The following RBM39 variants were observed in gnomAD, a reference collection of about 807,000 sequenced individuals.
RBM39 encodes the protein RNA-binding protein 39.
A neutral mutation model predicts 79.6 loss-of-function variants in RBM39; 12 were observed. The observed-to-expected ratio is 0.15, with a 90% CI of 0.10 to 0.24. RBM39 has a LOEUF of 0.24. Ranked by LOEUF, RBM39 falls within the 10% of genes least tolerant of loss-of-function variation. The probability of loss-of-function intolerance (pLI) is 1.00; values close to 1 mark genes in which losing one functional copy is unlikely to be tolerated. For missense variants in RBM39, 243 were observed against 653.4 expected (o/e 0.37, Z 6.85); for synonymous variants, 185 against 208.4 (o/e 0.89, Z 0.97).
In RBM39 at chr20:35,725,174, A is replaced by G. The variant is rs747207187; in HGVS notation, c.417-19T>C. On this transcript the variant is annotated intron_variant, in intron 6 of 16. Transcript: ENST00000253363. ...AGGTTCTCTAATAGGAGTAAAACAT[A>G]TAAAATTAATTTCATAACAGATTTT... 4 of 1,355,772 alleles carry G rather than the reference A, an allele frequency of 3.0e-6. No homozygotes were observed. In the African/African-American group the frequency reaches 4.4e-5, roughly 15 times the overall value. 84.0% of individuals were successfully genotyped at this position (1,355,772 alleles called of 1,614,324 possible). A position where few individuals can be genotyped will look rare whatever the true frequency, so the allele number is the denominator to read the frequency against.
Position 35,714,320 on chromosome 20 carries a change from T to C in RBM39, c.961A>G (p.Met321Val). The change falls in exon 11 of 17, where the codon ATG (methionine) becomes GTG (valine). Residue 321 changes from methionine (M) to valine (V), a missense_variant. Physicochemically the swap from Met to Val is conservative, Grantham distance 21. This residue lies in a region of RBM39 where 61 missense variants were observed against 322.9 expected (regional missense o/e 0.19). Coordinates refer to ENST00000253363, the MANE Select transcript of RBM39 (RefSeq NM_184234.3). ...LNGFELAGRP[M>V]KVGHVTERTD... is the part of the protein sequence containing the mutation. ...CGTTCAGTAACATGACCAACTTTCA[T>C]TGGTCTTCCTGCTAGTTCAAATCCA... The C allele has an allele frequency of 6.2e-7, 1 of 1,614,148 alleles. No individual in the cohort carries two copies. Among genetic ancestry groups the C allele is most frequent in the Non-Finnish European group, 8.5e-7 (1 of 1,180,002 alleles).
chr20:35,736,841 C>A (rs182789634), intron 3 of RBM39, among the ~76,000 whole-genome samples: 2,892 of 151,548 alleles, frequency 0.019, 89 homozygotes, highest in African/African-American at 0.066. Flanking sequence ...TTAGTAGAGA[C>A]GGGGTTTCAC....
Position 35,741,950 on chromosome 20 carries a change from C to A in RBM39, c.-23G>T. The A allele has an allele frequency of 4.7e-6, 1 of 212,594 alleles. No individual in the cohort carries two copies. The highest frequency in any genetic ancestry group is 9.5e-6 in the Non-Finnish European group (1 of 104,892). 13.2% of individuals were successfully genotyped at this position (212,594 alleles called of 1,614,324 possible). On this transcript the variant is annotated 5_prime_UTR_variant, in exon 1 of 17. Transcript: ENST00000253363. ...CCGCAACGCCCCGTACCTGTTCCGG[C>A]CTTCGGGCGCCTGTGGTGCTCGTGT...
At chr20:35,735,990 G>C (rs1443623458) in intron 3 of RBM39, among the ~76,000 whole-genome samples, 2 of 152,182 alleles carry the variant, frequency 1.3e-5, no homozygotes, top group African/African-American at 2.4e-5. Context: ...GTAGACACCG[G>C]AGATGACCTT....
intron 6 of RBM39, among the ~76,000 whole-genome samples, chr20:35,728,484 T>A (rs992097846): frequency 4.6e-5 from 7 of 152,200 alleles, no homozygotes; most frequent in African/African-American, 1.7e-4. Flanking sequence ...AAGATTACAT[T>A]AAAATAACTT....
At chr20:35,712,048 C>T (rs1478562367) in intron 12 of RBM39, among the ~76,000 whole-genome samples, 4 of 151,914 alleles carry the variant, frequency 2.6e-5, no homozygotes, top group Non-Finnish European at 5.9e-5. Flanking sequence ...CAGAGTGAGA[C>T]TCCATCCCCC....
intron 14 of RBM39, among the ~76,000 whole-genome samples, chr20:35,705,787 C>CA (rs201075378): frequency 0.15 from 18,739 of 127,254 alleles, 1,223 homozygotes; most frequent in Middle Eastern, 0.2. Flanking sequence ...AACTCCGTCT[C>CA]AAAAAAAAAA....
intron 9 of RBM39, among the ~76,000 whole-genome samples, chr20:35,721,497 CTTTT>C (rs1277196641): frequency 2.0e-5 from 3 of 152,130 alleles, no homozygotes; most frequent in Non-Finnish European, 4.4e-5. Flanking sequence ...CCAATGTGGA[CTTTT>C]TATTAACTCT....
At chr20:35,711,519 G>C (rs529662965) in intron 12 of RBM39, among the ~76,000 whole-genome samples, 1 of 152,160 alleles carries the variant, frequency 6.6e-6, no homozygotes, top group Non-Finnish European at 1.5e-5. Context: ...TCTGATTCTT[G>C]TAAGTATAAA....
chr20:35,728,838 G>A (rs972747876), intron 6 of RBM39, among the ~76,000 whole-genome samples: 1 of 151,814 alleles, frequency 6.6e-6, no homozygotes, highest in African/African-American at 2.4e-5. Context: ...ACCACTTTGA[G>A]AGGCCAAGGT....
At chr20:35,741,098 G>T (rs1460221184) in intron 1 of RBM39, among the ~76,000 whole-genome samples, 1 of 125,150 alleles carries the variant, frequency 8.0e-6, no homozygotes, top group Non-Finnish European at 1.6e-5. Context: ...GCAGTAGCGC[G>T]ATCTCGGCTC....
At chr20:35,718,116 C>T (rs2037395463) in intron 9 of RBM39, among the ~76,000 whole-genome samples, 1 of 152,082 alleles carries the variant, frequency 6.6e-6, no homozygotes, top group Non-Finnish European at 1.5e-5. Context: ...GCCTCGGCCT[C>T]CCAAAGTGCT....
At chr20:35,719,165 G>C (rs1273935983) in intron 9 of RBM39, among the ~76,000 whole-genome samples, 2 of 152,016 alleles carry the variant, frequency 1.3e-5, no homozygotes, top group Non-Finnish European at 2.9e-5. Context: ...GAGTAAGCTG[G>C]AACTACAGGC....
intron 6 of RBM39, among the ~76,000 whole-genome samples, chr20:35,727,068 C>T (rs1260364050): frequency 6.6e-6 from 1 of 151,886 alleles, no homozygotes; most frequent in Admixed American, 6.6e-5. Context: ...CTTATTGTTA[C>T]AGGCATGAGC....
chr20:35,719,232 A>G (rs1250083832), intron 9 of RBM39, among the ~76,000 whole-genome samples: 1 of 152,096 alleles, frequency 6.6e-6, no homozygotes, highest in Non-Finnish European at 1.5e-5. Context: ...AGGTTTCACC[A>G]TGCTGGCCAG....
chr20:35,725,805 A>G (rs2038607257), intron 6 of RBM39, among the ~76,000 whole-genome samples: 1 of 151,772 alleles, frequency 6.6e-6, no homozygotes, highest in Non-Finnish European at 1.5e-5. Context: ...CTGGGACTAC[A>G]GGCGCCTGCC....
chr20:35,725,006 C>T (rs764462268), intron 7 of RBM39, 32 bp downstream of exon 7: 1 of 1,418,950 alleles, frequency 7.0e-7, no homozygotes, highest in South Asian at 1.2e-5. Context: ...CAATTTCTAC[C>T]TACTTGACCT....
chr20:35,726,961 A>G (rs1319505090), intron 6 of RBM39, among the ~76,000 whole-genome samples: 1 of 151,798 alleles, frequency 6.6e-6, no homozygotes, highest in African/African-American at 2.4e-5. Flanking sequence ...AGTAACTGGG[A>G]TTACACGCAC....
Position 35,704,307 on chromosome 20 carries a change from G to T in RBM39, c.*174C>A. ...GTATACAGTGGGATTTACTATTTAG[G>T]GAGAATGAGCACACTGCATTCCTGT... On this transcript the variant is annotated 3_prime_UTR_variant, in exon 17 of 17. Transcript: ENST00000253363. 1 of 520,062 alleles carries T rather than the reference G, an allele frequency of 1.9e-6. No homozygotes were observed. The allele number at this position is 520,062 out of a possible 1,614,324, so 32.2% of individuals were successfully genotyped here. A position where few individuals can be genotyped will look rare whatever the true frequency, so the allele number is the denominator to read the frequency against.
Sources: allele counts gnomAD v4.1 joint callset (sites outside exome capture counted in the v4.1 genomes callset), GRCh38; gene constraint gnomAD v4.1.1; regional missense constraint gnomAD v4.1.1; transcripts MANE v1.5; gene names NCBI Gene and HGNC (gene_info 2026-07-23, HGNC 2026-07-21).